BFSP2: variants seen among roughly 807,000 people sequenced by gnomAD.
BFSP2 encodes phakinin.
In BFSP2, 38 loss-of-function variants were observed where a neutral mutation model predicts 44.9. That is an observed-to-expected ratio of 0.85 (90% CI 0.65 to 1.11). BFSP2 has a LOEUF of 1.11. BFSP2 is among the 50% of genes least tolerant of loss of function. The pLI, the probability that BFSP2 is intolerant of heterozygous loss-of-function variation, is 0.00. For synonymous variants in BFSP2, 197 were observed against 209.9 expected (o/e 0.94, Z 0.53); for missense variants, 525 against 533.0 (o/e 0.99, Z 0.15).
chr3:133,443,616 C>A (rs1334798784), intron 1 of BFSP2, among the ~76,000 whole-genome samples: 1 of 152,212 alleles, frequency 6.6e-6, no homozygotes, highest in Non-Finnish European at 1.5e-5. Context: ...AGAGCAGTAT[C>A]ACTGGGGTGC....
intron 1 of BFSP2, among the ~76,000 whole-genome samples, chr3:133,420,200 G>A (rs1399955898): frequency 6.6e-6 from 1 of 152,238 alleles, no homozygotes; most frequent in Non-Finnish European, 1.5e-5. Flanking sequence ...TCAGGAAAAG[G>A]GAGTTGGGAG....
intron 2 of BFSP2, 94 bp from the exon 3 acceptor site, chr3:133,448,391 TCTAA>T (rs2073923349): frequency 2.8e-6 from 4 of 1,414,524 alleles, no homozygotes; most frequent in South Asian, 2.4e-5. Flanking sequence ...CCATTCATTG[TCTAA>T]CTATCACATA....
chr3:133,466,914 C>G lies in BFSP2; in HGVS notation c.978C>G (p.Cys326Trp). The change falls in exon 5 of 7, where the codon TGC becomes TGG. Residue 326 changes from cysteine (C) to tryptophan (W), a missense_variant. Coordinates refer to ENST00000302334, the MANE Select transcript of BFSP2 (RefSeq NM_003571.4). The part of the protein sequence containing the change: ...ALRVELHNTS[C>W]QVQSLQAETE... ...GGGTGGAGTTACACAACACTTCGTG[C>G]CAAGTCCAGAGCCTCCAGGCTGAGA... 1 of 1,614,058 alleles carries G rather than the reference C, an allele frequency of 6.2e-7. No homozygotes were observed. Among genetic ancestry groups the G allele is most frequent in the Non-Finnish European group, 8.5e-7 (1 of 1,179,998 alleles).
intron 1 of BFSP2, among the ~76,000 whole-genome samples, chr3:133,421,559 C>G (rs1223436650): frequency 6.6e-6 from 1 of 152,012 alleles, no homozygotes; most frequent in Non-Finnish European, 1.5e-5. Flanking sequence ...ATGACCTCAA[C>G]TTGATGACAT....
chr3:133,403,517 C>A (rs2107874050), intron 1 of BFSP2, among the ~76,000 whole-genome samples: 2 of 152,304 alleles, frequency 1.3e-5, no homozygotes, highest in South Asian at 4.1e-4. Context: ...CCTCCTTAGC[C>A]TGGGCCCCAA....
At chr3:133,441,440 G>C (rs2073844409) in intron 1 of BFSP2, among the ~76,000 whole-genome samples, 1 of 152,238 alleles carries the variant, frequency 6.6e-6, no homozygotes, top group Non-Finnish European at 1.5e-5. Flanking sequence ...CCAGAAAAGA[G>C]ATGATTAGGA....
At chr3:133,470,163 T>C (rs1215446694) in intron 5 of BFSP2, among the ~76,000 whole-genome samples, 1 of 152,228 alleles carries the variant, frequency 6.6e-6, no homozygotes, top group Non-Finnish European at 1.5e-5. Context: ...CAGATACTGA[T>C]CTAGATTTAT....
chr3:133,441,335 G>A (rs2073843414), intron 1 of BFSP2, among the ~76,000 whole-genome samples: 1 of 152,120 alleles, frequency 6.6e-6, no homozygotes, highest in Admixed American at 6.5e-5. Context: ...CTGAGCCACT[G>A]GTGTGAGCCC....
At chr3:133,441,865 G>A (rs981764936) in intron 1 of BFSP2, among the ~76,000 whole-genome samples, 3 of 152,226 alleles carry the variant, frequency 2.0e-5, no homozygotes, top group East Asian at 1.9e-4. Context: ...GCAGAGTAAA[G>A]GGAAGCACTG....
intron 1 of BFSP2, among the ~76,000 whole-genome samples, chr3:133,434,246 A>G (rs2073758520): frequency 6.6e-6 from 1 of 151,964 alleles, no homozygotes; most frequent in South Asian, 2.1e-4. Context: ...TCCTTCTCTT[A>G]TTCCATTTAG....
chr3:133,432,763 C>G (rs572244122), intron 1 of BFSP2, among the ~76,000 whole-genome samples: 2 of 152,086 alleles, frequency 1.3e-5, no homozygotes, highest in African/African-American at 4.8e-5. Context: ...CGATCGTGTC[C>G]GACTAATCTC....
intron 1 of BFSP2, among the ~76,000 whole-genome samples, chr3:133,440,505 G>A (rs572879107): frequency 6.6e-6 from 1 of 152,218 alleles, no homozygotes; most frequent in East Asian, 1.9e-4. Context: ...GTTATAAATG[G>A]TAGGGTTTAA....
intron 1 of BFSP2, among the ~76,000 whole-genome samples, chr3:133,425,665 T>G (rs1386853485): frequency 6.6e-6 from 1 of 151,854 alleles, no homozygotes; most frequent in Non-Finnish European, 1.5e-5. Context: ...CTAGCAAGGA[T>G]GCTGAAGTCA....
chr3:133,455,437 G>A (rs1434522275), intron 4 of BFSP2: 1 of 152,154 alleles, frequency 6.6e-6, no homozygotes, highest in East Asian at 1.9e-4. Flanking sequence ...CCTCCTCAGA[G>A]GCCATTTACA....
At chr3:133,466,417 C>T (rs543679436) in intron 4 of BFSP2, among the ~76,000 whole-genome samples, 6 of 151,752 alleles carry the variant, frequency 4.0e-5, no homozygotes, top group East Asian at 3.9e-4. Flanking sequence ...TGGTGGCTCA[C>T]GCCTGTAATC....
intron 1 of BFSP2, among the ~76,000 whole-genome samples, chr3:133,428,944 TCTG>T: frequency 6.6e-6 from 1 of 152,334 alleles, no homozygotes; most frequent in East Asian, 1.9e-4. Flanking sequence ...TCGATCTCAT[TCTG>T]TTCTTAATTA....
intron 1 of BFSP2, among the ~76,000 whole-genome samples, chr3:133,420,774 T>C (rs2073585820): frequency 6.6e-6 from 1 of 152,192 alleles, no homozygotes; most frequent in Non-Finnish European, 1.5e-5. Flanking sequence ...TGGGCTGTGC[T>C]GTGACTTTAG....
At chr3:133,428,393 G>A (rs887289037) in intron 1 of BFSP2, among the ~76,000 whole-genome samples, 1 of 152,026 alleles carries the variant, frequency 6.6e-6, no homozygotes, top group Non-Finnish European at 1.5e-5. Flanking sequence ...AAGCTCTGGG[G>A]CCCTAGGGCA....
At chr3:133,430,681 T>G (rs1468104947) in intron 1 of BFSP2, among the ~76,000 whole-genome samples, 4 of 152,136 alleles carry the variant, frequency 2.6e-5, no homozygotes, top group Non-Finnish European at 4.4e-5. Context: ...CTCTCTAGTC[T>G]CTGTTCCCAA....
Sources: gnomAD v4.1 joint callset for allele counts (sites outside exome capture counted in the v4.1 genomes callset) on GRCh38, gnomAD v4.1.1 for gene constraint, MANE v1.5 for transcripts, NCBI Gene and HGNC (gene_info 2026-07-23, HGNC 2026-07-21) for gene names.